SRGAP2C: variants seen among roughly 807,000 people sequenced by gnomAD.
The protein encoded by SRGAP2C is SLIT-ROBO Rho GTPase activating protein 2C.
Under a neutral mutation model 25.1 loss-of-function variants are expected in SRGAP2C, and 15 were observed. The ratio of observed to expected loss-of-function variants is 0.60; its 90% CI spans 0.40 to 0.92. The LOEUF is 0.92. SRGAP2C is among the 40% of genes least tolerant of loss of function. The probability of loss-of-function intolerance (pLI) is 0.00; values close to 1 mark genes in which losing one functional copy is unlikely to be tolerated. For synonymous variants in SRGAP2C, 44 were observed against 96.6 expected, an observed-to-expected ratio of 0.46 and a Z score of 3.19; for missense variants, 144 against 264.4, an observed-to-expected ratio of 0.54 and a Z score of 3.16.
chr1:121,359,993 C>A (rs1659153093), intron 4 of SRGAP2C, among the ~76,000 whole-genome samples: 1 of 151,904 alleles, frequency 6.6e-6, no homozygotes, highest in Non-Finnish European at 1.5e-5. Flanking sequence ...GTAAATGCAC[C>A]AATCAGCACT....
At chr1:121,321,894 G>C (rs1658213228) in intron 3 of SRGAP2C, among the ~76,000 whole-genome samples, 2 of 152,094 alleles carry the variant, frequency 1.3e-5, no homozygotes, top group South Asian at 4.1e-4. Context: ...TTCCTCTTTT[G>C]ATCTGAGGTC....
At chr1:121,323,033 A>G (rs1280723503) in intron 3 of SRGAP2C, among the ~76,000 whole-genome samples, 1 of 151,622 alleles carries the variant, frequency 6.6e-6, no homozygotes, top group African/African-American at 2.4e-5. Context: ...TTTTAGCTAT[A>G]TGACCTTGGG....
At chr1:121,228,730 C>CT in intron 2 of SRGAP2C, among the ~76,000 whole-genome samples, 1 of 151,886 alleles carries the variant, frequency 6.6e-6, no homozygotes, top group South Asian at 2.1e-4. Context: ...AAAAGCATTA[C>CT]TAAATGTTTA....
intron 7 of SRGAP2C, among the ~76,000 whole-genome samples, chr1:121,375,364 C>A (rs1268512308): frequency 7.6e-6 from 1 of 132,220 alleles, no homozygotes; most frequent in Non-Finnish European, 1.6e-5. Flanking sequence ...TGCTTTGTCC[C>A]CCAGGCTGGA....
At chr1:121,235,090 C>A (rs1479767840) in intron 2 of SRGAP2C, among the ~76,000 whole-genome samples, 2 of 143,662 alleles carry the variant, frequency 1.4e-5, no homozygotes, top group Non-Finnish European at 3.0e-5. Context: ...GGCTAGATCT[C>A]GGCTCGCTGC....
chr1:121,293,557 G>A (rs1329984874), intron 3 of SRGAP2C, among the ~76,000 whole-genome samples: 1 of 151,976 alleles, frequency 6.6e-6, no homozygotes, highest in African/African-American at 2.4e-5. Flanking sequence ...GGGGCCAAGT[G>A]TGAGGACAAG....
chr1:121,223,391 G>A (rs1553326045), intron 2 of SRGAP2C, among the ~76,000 whole-genome samples: 1 of 61,080 alleles, frequency 1.6e-5, no homozygotes, highest in African/African-American at 7.6e-5. Flanking sequence ...GTGTGTGTGT[G>A]TGTGTTTTAT....
intron 2 of SRGAP2C, among the ~76,000 whole-genome samples, chr1:121,249,574 ATATATATT>A (rs1468616250): frequency 5.6e-3 from 115 of 20,506 alleles, no homozygotes; most frequent in Non-Finnish European, 6.8e-3. Context: ...ATATATATAT[ATATATATT>A]TTTTTTTTTT....
At chr1:121,295,697 G>A (rs1657580954) in intron 3 of SRGAP2C, among the ~76,000 whole-genome samples, 1 of 152,008 alleles carries the variant, frequency 6.6e-6, no homozygotes. Context: ...ATAAATTAAT[G>A]GTATCTTTAA....
In SRGAP2C at chr1:121,186,330, AT is replaced by A. The variant is rs587771514; in HGVS notation, c.-542-573del. Among the ~76,000 whole-genome samples, 368 of 84,356 alleles carry A rather than the reference AT, an allele frequency of 4.4e-3. 17 individuals carry two copies. Among genetic ancestry groups the A allele is most frequent in the African/African-American group, 0.016 (337 of 20,556 alleles). 55.3% of individuals were successfully genotyped at this position (84,356 alleles called of 152,430 possible). A position where few individuals can be genotyped will look rare whatever the true frequency, so the allele number is the denominator to read the frequency against. ...CCCGTTTCCTGCTTCAGCTGACCAC[AT>A]TGTTTTCCTGGATGTGTCCCGTGCC... On this transcript the variant is annotated intron_variant, in intron 1 of 9. Transcript: ENST00000367123.
At position 121,324,515 on chromosome 1, in the gene SRGAP2C, A is replaced by G. The variant is rs1471629835; in HGVS notation, c.298A>G (p.Asn100Asp). 3.7e-6 allele frequency: 6 copies of G among 1,613,414 alleles called. No homozygotes were observed. Among genetic ancestry groups the G allele is most frequent in the Middle Eastern group, 3.3e-4 (2 of 6,060 alleles). The change falls in exon 4 of 10, where the codon AAT becomes GAT. Residue 100 changes from asparagine (N) to aspartate (D), a missense_variant. Coordinates refer to ENST00000367123, the MANE Select transcript of SRGAP2C (RefSeq NM_001329984.2). The part of the protein sequence containing the change: ...QNVLSPVNCW[N>D]LLLNQVKWES... ...TGTTCTCTCTCCAGTCAACTGCTGG[A>G]ATCTCCTCTTAAACCAGGTGAAGTG... is the stretch of plus-strand genomic sequence containing the variant.
At chr1:121,335,387 T>A (rs1474967299) in intron 4 of SRGAP2C, among the ~76,000 whole-genome samples, 3 of 108,894 alleles carry the variant, frequency 2.8e-5, no homozygotes, top group South Asian at 2.6e-4. Context: ...AATAAATAAA[T>A]AAAACAACCA....
At chr1:121,360,749 C>T (rs1219586643) in intron 4 of SRGAP2C, 2 of 103,944 alleles carry the variant, frequency 1.9e-5, no homozygotes, top group Admixed American at 1.1e-4. Flanking sequence ...GTGAATGCCC[C>T]TGAAACCACC....
In SRGAP2C at chr1:121,375,010, C is replaced by G. The variant is rs1161132871; in HGVS notation, c.831+56C>G. On this transcript the variant is annotated intron_variant, in intron 7 of 9. Transcript: ENST00000367123. The stretch of plus-strand genomic sequence containing the variant: ...CCCTCTTTTCTGGTTTCAGAATACT[C>G]GTCAGACATTCCCGATACTATTGTT... 135 of 747,946 alleles carry G rather than the reference C, an allele frequency of 1.8e-4. 2 individuals are homozygous for G. In the East Asian group the frequency reaches 3.3e-3, roughly 18 times the overall value. The allele number at this position is 747,946 out of a possible 1,614,324, so 46.3% of individuals were successfully genotyped here.
intron 7 of SRGAP2C, among the ~76,000 whole-genome samples, chr1:121,379,121 C>T (rs1365154061): frequency 4.6e-5 from 7 of 152,204 alleles, no homozygotes; most frequent in Admixed American, 4.6e-4. Context: ...AGGTCTTTGA[C>T]ACCATGTGCA....
chr1:121,266,566 G>A (rs1235170375), intron 2 of SRGAP2C, among the ~76,000 whole-genome samples: 17 of 146,680 alleles, frequency 1.2e-4, no homozygotes, highest in Admixed American at 1.0e-3. Context: ...CCATGATTGC[G>A]GTTAGCAGTG....
intron 3 of SRGAP2C, among the ~76,000 whole-genome samples, chr1:121,294,854 GTT>G (rs1289528904): frequency 7.3e-5 from 10 of 136,492 alleles, no homozygotes; most frequent in Non-Finnish European, 1.2e-4. Flanking sequence ...TATTTTAGAG[GTT>G]TTGTTCTAAA....
chr1:121,238,778 T>A (rs1223481380), intron 2 of SRGAP2C, among the ~76,000 whole-genome samples: 1 of 142,332 alleles, frequency 7.0e-6, no homozygotes, highest in Admixed American at 6.9e-5. Flanking sequence ...TACACACTGC[T>A]ATTTTTTTTT....
intron 2 of SRGAP2C, among the ~76,000 whole-genome samples, chr1:121,236,568 C>T (rs1287649772): frequency 1.3e-5 from 2 of 152,180 alleles, no homozygotes; most frequent in African/African-American, 4.8e-5. Context: ...TTCCATTTAA[C>T]TGAAACCCTC....
Sources: gnomAD v4.1 joint callset for allele counts (sites outside exome capture counted in the v4.1 genomes callset) on GRCh38, gnomAD v4.1.1 for gene constraint, MANE v1.5 for transcripts, NCBI Gene and HGNC (gene_info 2026-07-23, HGNC 2026-07-21) for gene names.